Variants in SNX25 observed in about 807,000 individuals in gnomAD.
SNX25 encodes the protein sorting nexin-25.
SNX25 carries 62 observed loss-of-function variants against 113.7 expected under a neutral mutation model. That is an observed-to-expected ratio of 0.55 (90% CI 0.44 to 0.67). The LOEUF (loss-of-function observed/expected upper bound fraction) is 0.67. SNX25 is among the 30% of genes least tolerant of loss of function. The probability of loss-of-function intolerance (pLI) is 0.00; values close to 1 mark genes in which losing one functional copy is unlikely to be tolerated. For missense variants in SNX25, 1,014 were observed against 1,161.0 expected, an observed-to-expected ratio of 0.87 and a Z score of 1.84; for synonymous variants, 421 against 436.2, an observed-to-expected ratio of 0.97 and a Z score of 0.43.
intron 5 of SNX25, among the ~76,000 whole-genome samples, chr4:185,269,654 A>C (rs1291934967): frequency 3.3e-5 from 5 of 152,178 alleles, no homozygotes; most frequent in Admixed American, 6.5e-5. Context: ...TGTGTGCCAA[A>C]CTGAAGATTC....
At chr4:185,212,412 C>T (rs1560889633) in intron 1 of SNX25, among the ~76,000 whole-genome samples, 1 of 149,190 alleles carries the variant, frequency 6.7e-6, no homozygotes, top group East Asian at 2.0e-4. Flanking sequence ...CTTTGTAGTA[C>T]TGGTACTGTT....
chr4:185,374,856 T>C (rs1327809733), downstream of SNX25, among the ~76,000 whole-genome samples: 1 of 152,158 alleles, frequency 6.6e-6, no homozygotes, highest in Non-Finnish European at 1.5e-5. Context: ...ACATTTATAA[T>C]TCTTACGATA....
intron 18 of SNX25, 31 bp downstream of exon 18, chr4:185,362,742 GC>G (rs1323040844): frequency 1.3e-6 from 2 of 1,565,478 alleles, no homozygotes; most frequent in East Asian, 4.5e-5. Context: ...GGGGTTTCCT[GC>G]TTTATTTTTG....
intron 1 of SNX25, among the ~76,000 whole-genome samples, chr4:185,231,105 T>G (rs1400871177): frequency 4.3e-4 from 16 of 37,420 alleles, no homozygotes; most frequent in African/African-American, 7.5e-4. Flanking sequence ...TTTTTTTGTT[T>G]TTTTTTTTTT....
At chr4:185,296,477 G>A (rs1310740827) in intron 6 of SNX25, among the ~76,000 whole-genome samples, 1 of 152,100 alleles carries the variant, frequency 6.6e-6, no homozygotes, top group Non-Finnish European at 1.5e-5. Context: ...TAACAAGGTG[G>A]AAATTTTTAT....
chr4:185,231,971 T>C (rs1741946949), intron 1 of SNX25, among the ~76,000 whole-genome samples: 1 of 152,220 alleles, frequency 6.6e-6, no homozygotes. Context: ...CTATCTGGGC[T>C]GCTAGGTGTG....
chr4:185,240,372 C>G (rs374492547), intron 1 of SNX25, among the ~76,000 whole-genome samples: 1 of 148,366 alleles, frequency 6.7e-6, no homozygotes, highest in Non-Finnish European at 1.5e-5. Flanking sequence ...ACCTCCCGGA[C>G]GGGGCGGCTG....
At chr4:185,361,267 C>T (rs922995373) in intron 16 of SNX25, among the ~76,000 whole-genome samples, 1 of 152,174 alleles carries the variant, frequency 6.6e-6, no homozygotes, top group African/African-American at 2.4e-5. Flanking sequence ...CCACTTCCAA[C>T]AGTCTTTAAA....
chr4:185,279,675 T>G (rs1394565619), intron 5 of SNX25, among the ~76,000 whole-genome samples: 1 of 152,186 alleles, frequency 6.6e-6, no homozygotes, highest in African/African-American at 2.4e-5. Flanking sequence ...GATTAAAAAT[T>G]TGTTAACTAG....
chr4:185,263,188 A>C, intron 3 of SNX25, among the ~76,000 whole-genome samples: 1 of 152,138 alleles, frequency 6.6e-6, no homozygotes, highest in Non-Finnish European at 1.5e-5. Flanking sequence ...GTACCGTTTG[A>C]GAGAGATTTT....
intron 14 of SNX25, chr4:185,353,016 T>C (rs11727346): frequency 0.16 from 25,723 of 156,072 alleles, 2,529 homozygotes; most frequent in African/African-American, 0.28. Flanking sequence ...AACCTGCTGA[T>C]GCGCAGATCA....
chr4:185,374,445 T>C (rs1194376200), downstream of SNX25: 10 of 1,613,768 alleles, frequency 6.2e-6, no homozygotes, highest in Admixed American at 1.7e-5. Flanking sequence ...TTTCTTCATA[T>C]AGTCCACCCC....
At chr4:185,285,921 C>G (rs1281953148) in intron 5 of SNX25, among the ~76,000 whole-genome samples, 1 of 147,380 alleles carries the variant, frequency 6.8e-6, no homozygotes, top group Non-Finnish European at 1.5e-5. Context: ...TACAGGTGTG[C>G]GCCACCATGC....
chr4:185,377,008 A>G, the SNX25 span: 13 of 1,609,406 alleles, frequency 8.1e-6, no homozygotes, highest in South Asian at 8.8e-5. Context: ...CCAAATTAGC[A>G]TGGGTGTAAT....
chr4:185,263,643 G>T (rs1040121771), intron 3 of SNX25, among the ~76,000 whole-genome samples: 3 of 152,150 alleles, frequency 2.0e-5, no homozygotes, highest in Non-Finnish European at 4.4e-5. Flanking sequence ...TTCATTTCCT[G>T]TGCAGTACCT....
At chr4:185,371,005 GGT>G, downstream of SNX25, 3 of 548,972 alleles carry the variant, frequency 5.5e-6, no homozygotes, top group East Asian at 5.9e-5. Flanking sequence ...TTCCCAGAGT[GGT>G]GACTTCACAT....
rs905217915 is a variant in SNX25, at chr4:185,267,118, A to G, written c.1054A>G (p.Asn352Asp). 1.2e-5 allele frequency: 19 copies of G among 1,613,932 alleles called. No individual in the cohort carries two copies. Among genetic ancestry groups the G allele is most frequent in the Non-Finnish European group, 1.6e-5 (19 of 1,179,940 alleles). ...PSYEDFIKLI[N>D]SNSDVEFLKQ... ...TTACGAGGACTTCATCAAGCTCATT[A>G]ACAGCAACTCTGATGTGGAGTTCTT... Residue 352 changes from asparagine to aspartate, a missense_variant, in exon 5 of 19, where the codon AAC (asparagine) becomes GAC (aspartate). Transcript: ENST00000652585.
chr4:185,212,021 A>G (rs930952709), intron 1 of SNX25, among the ~76,000 whole-genome samples: 1 of 152,236 alleles, frequency 6.6e-6, no homozygotes, highest in African/African-American at 2.4e-5. Flanking sequence ...CAGCATGTAT[A>G]AATCTCTCAT....
Position 185,334,743 on chromosome 4 carries a change from C to T in SNX25, c.1914+1984C>T, listed in dbSNP as rs2095218369. 6.6e-6 allele frequency among the ~76,000 whole-genome samples: 1 copy of T among 152,148 alleles called. No individual in the cohort carries two copies. The highest frequency in any genetic ancestry group is 1.5e-5 in the Non-Finnish European group (1 of 68,042). On this transcript the variant is annotated intron_variant, in intron 10 of 18. Coordinates refer to ENST00000652585, the MANE Select transcript of SNX25 (RefSeq NM_001378034.2). This position sits in a 1 kb window ranked among gnomAD's most constrained non-coding sequence, Gnocchi z 4.2. ...CTTTCTTAAAATAACTTCTGATAAC[C>T]ATGGAATAAACATTCTTAGCTACAA...
Sources: allele counts gnomAD v4.1 joint callset (sites outside exome capture counted in the v4.1 genomes callset), GRCh38; gene constraint gnomAD v4.1.1; non-coding constraint Gnocchi (gnomAD v3.1); transcripts MANE v1.5; gene names NCBI Gene and HGNC (gene_info 2026-07-23, HGNC 2026-07-21).